SHROOM4: variants seen among roughly 807,000 people sequenced by gnomAD.
The protein encoded by SHROOM4 is shroom family member 4, also known as protein Shroom4.
SHROOM4 carries 17 observed loss-of-function variants against 80.3 expected under a neutral mutation model. The ratio of observed to expected loss-of-function variants is 0.21; its 90% CI spans 0.14 to 0.32. SHROOM4 has a LOEUF of 0.32. Ranked by LOEUF, SHROOM4 falls within the 10% of genes least tolerant of loss-of-function variation. The pLI is 1.00. For missense variants in SHROOM4, 993 were observed against 1,140.3 expected (o/e 0.87, Z 1.86); for synonymous variants, 400 against 437.5 (o/e 0.91, Z 1.07).
At chrX:50,806,324 A>G (rs1339124067) in intron 1 of SHROOM4, among the ~76,000 whole-genome samples, 1 of 112,516 alleles carries the variant, frequency 8.9e-6, no homozygotes, top group Non-Finnish European at 1.9e-5. Context: ...GCTCACTTTG[A>G]AAGATCAAGT....
intron 2 of SHROOM4, among the ~76,000 whole-genome samples, chrX:50,644,202 G>A (rs1931733388): frequency 8.9e-6 from 1 of 112,301 alleles, no homozygotes; most frequent in Non-Finnish European, 1.9e-5. Context: ...TTTTACACCA[G>A]AGACTTCAAC....
chrX:50,731,999 G>GA (rs1272003583), intron 1 of SHROOM4, among the ~76,000 whole-genome samples: 2 of 111,494 alleles, frequency 1.8e-5, no homozygotes, highest in Non-Finnish European at 3.8e-5. Context: ...CCTGTGGTCC[G>GA]AAAAAAGTAT....
intron 1 of SHROOM4, among the ~76,000 whole-genome samples, chrX:50,761,613 A>G (rs1052731395): frequency 9.0e-6 from 1 of 111,174 alleles, no homozygotes; most frequent in African/African-American, 3.3e-5. Flanking sequence ...CCCAAGCTGG[A>G]GTGCAGTGGC....
At chrX:50,776,940 G>A (rs1466479056) in intron 1 of SHROOM4, among the ~76,000 whole-genome samples, 1 of 110,593 alleles carries the variant, frequency 9.0e-6, no homozygotes, top group Non-Finnish European at 1.9e-5. Flanking sequence ...CTCCTGCCTC[G>A]GCCTCCCAAA....
intron 2 of SHROOM4, among the ~76,000 whole-genome samples, chrX:50,662,340 A>C (rs982582069): frequency 1.2e-4 from 13 of 110,672 alleles, no homozygotes; most frequent in Admixed American, 1.9e-4. Context: ...CTCTGCTAAA[A>C]ATATAAAAAA....
At chrX:50,801,177 G>T (rs1602525997) in intron 1 of SHROOM4, among the ~76,000 whole-genome samples, 2 of 106,245 alleles carry the variant, frequency 1.9e-5, no homozygotes, top group Non-Finnish European at 3.9e-5. Flanking sequence ...TGGGGTCACT[G>T]GTCTCCTCTA....
Position 50,634,992 on chromosome X carries a change from G to C in SHROOM4, c.1081C>G (p.Gln361Glu), listed in dbSNP as rs1479254799. ...GATCCAACAGCTTTGGTTGAGGCCT[G>C]CATCAGTAGATGCTCAGAGCCCTGT... is the stretch of plus-strand genomic sequence containing the variant. ...SQQGSEHLLM[Q>E]ASTKAVGSPK... Residue 361 changes from glutamine to glutamate, a missense_variant, in exon 4 of 9, where the codon CAG becomes GAG. By Grantham distance (29) the Gln-to-Glu change is conservative (BLOSUM62 2). Coordinates refer to ENST00000376020, the MANE Select transcript of SHROOM4 (RefSeq NM_020717.5). 4.1e-6 allele frequency: 5 copies of C among 1,210,726 alleles called. No individual in the cohort carries two copies. The highest frequency in any genetic ancestry group is 5.6e-6 in the Non-Finnish European group (5 of 895,392).
At chrX:50,655,493 G>A (rs782770788) in intron 2 of SHROOM4, among the ~76,000 whole-genome samples, 2 of 104,330 alleles carry the variant, frequency 1.9e-5, no homozygotes, top group Non-Finnish European at 3.9e-5. Flanking sequence ...ATGTGTGTGT[G>A]TATATATATA....
intron 2 of SHROOM4, among the ~76,000 whole-genome samples, chrX:50,670,281 C>A: frequency 9.3e-6 from 1 of 107,067 alleles, no homozygotes; most frequent in South Asian, 4.5e-4. Flanking sequence ...TCTGACAGGC[C>A]CCTGTGTGTG....
chrX:50,807,400 A>G (rs1274516484), intron 1 of SHROOM4, among the ~76,000 whole-genome samples: 1 of 111,784 alleles, frequency 8.9e-6, no homozygotes, highest in African/African-American at 3.3e-5. Flanking sequence ...CTGACAGTGG[A>G]TAGGGACAGA....
At chrX:50,581,959 G>A (rs1928675897), downstream of SHROOM4, among the ~76,000 whole-genome samples, 1 of 111,430 alleles carries the variant, frequency 9.0e-6, no homozygotes, top group Admixed American at 9.6e-5. Flanking sequence ...CTCTGTGGGG[G>A]AAAATTTTTC....
At chrX:50,747,026 C>T (rs1330799128) in intron 1 of SHROOM4, among the ~76,000 whole-genome samples, 1 of 111,713 alleles carries the variant, frequency 9.0e-6, no homozygotes, top group African/African-American at 3.3e-5. Flanking sequence ...AAAGTTGGTA[C>T]AATTTTTTCC....
chrX:50,751,365 G>A (rs1430986956), intron 1 of SHROOM4, among the ~76,000 whole-genome samples: 1 of 112,188 alleles, frequency 8.9e-6, no homozygotes, highest in Non-Finnish European at 1.9e-5. Flanking sequence ...GAACAACAGA[G>A]AACTAGTATT....
intron 1 of SHROOM4, among the ~76,000 whole-genome samples, chrX:50,705,764 A>G (rs1933654379): frequency 2.7e-5 from 3 of 109,569 alleles, no homozygotes; most frequent in Non-Finnish European, 1.9e-5. Context: ...TTTCTACTTC[A>G]TCTTCCCCTT....
At chrX:50,708,443 T>C (rs1346409722) in intron 1 of SHROOM4, among the ~76,000 whole-genome samples, 1 of 111,891 alleles carries the variant, frequency 8.9e-6, no homozygotes, top group African/African-American at 3.3e-5. Context: ...CTAGCTGCCA[T>C]AGAAGCAGCA....
At chrX:50,606,078 C>CTTT (rs61169578) in intron 6 of SHROOM4, among the ~76,000 whole-genome samples, 2 of 98,909 alleles carry the variant, frequency 2.0e-5, no homozygotes, top group Non-Finnish European at 4.1e-5. Flanking sequence ...ATGAAGGATT[C>CTTT]TTTTTTTTTT....
Position 50,634,727 on chromosome X carries a change from G to T in SHROOM4, c.1346C>A (p.Pro449His), listed in dbSNP as rs1557255301. 3.3e-6 allele frequency: 4 copies of T among 1,209,872 alleles called. No individual in the cohort carries two copies. In the Admixed American group the frequency reaches 8.7e-5, roughly 26 times the overall value. ...CTTCCCTTTGTGGCTGCTGTGCAAAGGGGACAGAGTCCACTGGTGCCCATC... is the reference window on the plus strand; with the variant it reads ...CTTCCCTTTGTGGCTGCTGTGCAAATGGGACAGAGTCCACTGGTGCCCATC... ...VQDGHQWTLS[P>H]LHSSHKGKKS... Residue 449 changes from proline to histidine, a missense_variant, in exon 4 of 9, where the codon CCT becomes CAT. Transcript: ENST00000376020.
intron 1 of SHROOM4, among the ~76,000 whole-genome samples, chrX:50,742,098 G>A (rs782726663): frequency 2.7e-5 from 3 of 110,357 alleles, no homozygotes; most frequent in Non-Finnish European, 5.7e-5. Flanking sequence ...TTCTTTTTGT[G>A]TATGAAATTA....
rs2147192744 is a variant in SHROOM4 at position 50,589,687 on chromosome X, A to G, written c.*7008T>C. 8.9e-6 allele frequency among the ~76,000 whole-genome samples: 1 copy of G among 112,130 alleles called. No individual in the cohort carries two copies. Among genetic ancestry groups the G allele is most frequent in the East Asian group, 2.8e-4 (1 of 3,551 alleles). ...TTTATCCATTCCTCAGTGGATGGACATTTGGGTCATTTCCACTTTTTGGCT... is the reference window on the plus strand; with the variant it reads ...TTTATCCATTCCTCAGTGGATGGACGTTTGGGTCATTTCCACTTTTTGGCT... On this transcript the variant is annotated 3_prime_UTR_variant, in exon 9 of 9. Transcript: ENST00000376020.
Sources: allele counts gnomAD v4.1 joint callset (sites outside exome capture counted in the v4.1 genomes callset), GRCh38; gene constraint gnomAD v4.1.1; transcripts MANE v1.5; gene names NCBI Gene and HGNC (gene_info 2026-07-23, HGNC 2026-07-21).